PCCA: variants seen among roughly 807,000 people sequenced by gnomAD.
PCCA encodes propionyl-CoA carboxylase alpha chain, mitochondrial.
Under a neutral mutation model 101.3 loss-of-function variants are expected in PCCA, and 74 were observed. The observed-to-expected ratio is 0.73, with a 90% CI of 0.61 to 0.89. The LOEUF (loss-of-function observed/expected upper bound fraction) is 0.89, where lower values mean the gene tolerates loss of function less well. PCCA is among the 40% of genes least tolerant of loss of function. The pLI is 0.00. For synonymous variants in PCCA, 294 were observed against 313.6 expected, an observed-to-expected ratio of 0.94 and a Z score of 0.66; for missense variants, 891 against 907.0, an observed-to-expected ratio of 0.98 and a Z score of 0.23.
At chr13:100,420,810 A>C (rs1238620529) in intron 19 of PCCA, among the ~76,000 whole-genome samples, 2 of 152,176 alleles carry the variant, frequency 1.3e-5, no homozygotes, top group African/African-American at 4.8e-5. Context: ...ATGCAGTTTA[A>C]AAAAAACAGC....
At chr13:100,217,090 CA>C (rs2152491391) in intron 7 of PCCA, among the ~76,000 whole-genome samples, 1 of 151,494 alleles carries the variant, frequency 6.6e-6, no homozygotes, top group East Asian at 2.0e-4. Flanking sequence ...GCCTGGGCAA[CA>C]AGAGCGGAAC....
At position 100,111,876 on chromosome 13, in the gene PCCA, A is replaced by G; in HGVS notation, c.219A>G (p.Glu73=). 1 of 1,610,518 alleles carries G rather than the reference A, an allele frequency of 6.2e-7. No individual in the cohort carries two copies. Among genetic ancestry groups the G allele is most frequent in the Non-Finnish European group, 8.5e-7 (1 of 1,177,362 alleles). Residue 73 remains glutamate, a synonymous_variant, in exon 3 of 24, where the codon GAA becomes GAG. Coordinates refer to ENST00000376285, the MANE Select transcript of PCCA (RefSeq NM_000282.4). ...AAATTCTTGTTGCTAATAGAGGAGA[A>G]ATTGCATGTCGGGTGAGTAGAATTT... ...FDKILVANRG[E]IACRVIRTCK...
At chr13:100,303,051 C>T in intron 14 of PCCA, 53 bp downstream of exon 14, 1 of 992,224 alleles carries the variant, frequency 1.0e-6, no homozygotes, top group Non-Finnish European at 1.6e-6. Flanking sequence ...TGATTTATGT[C>T]ATACTTTTAT....
intron 7 of PCCA, among the ~76,000 whole-genome samples, chr13:100,216,937 C>T (rs1415027226): frequency 4.6e-5 from 7 of 151,004 alleles, no homozygotes; most frequent in Admixed American, 6.6e-5. Context: ...GGCGAAACCC[C>T]GTCTCTACTG....
chr13:100,447,682 AAAAG>A (rs968687201), intron 20 of PCCA, among the ~76,000 whole-genome samples: 13 of 152,268 alleles, frequency 8.5e-5, no homozygotes, highest in South Asian at 8.3e-4. Context: ...CAAAAAAAAA[AAAAG>A]AAAGAAGTGA....
chr13:100,122,091 T>C (rs1306238835), intron 4 of PCCA, among the ~76,000 whole-genome samples: 1 of 152,228 alleles, frequency 6.6e-6, no homozygotes, highest in Admixed American at 6.5e-5. Context: ...AAATGCTTTT[T>C]CTGTGTTTAC....
intron 19 of PCCA, among the ~76,000 whole-genome samples, chr13:100,385,827 G>T (rs1019010533): frequency 1.3e-5 from 2 of 152,120 alleles, no homozygotes; most frequent in African/African-American, 4.8e-5. Flanking sequence ...GCCCAGGCTG[G>T]TCTCGAACTC....
At chr13:100,368,933 C>T (rs2075390879) in intron 19 of PCCA, among the ~76,000 whole-genome samples, 1 of 152,102 alleles carries the variant, frequency 6.6e-6, no homozygotes, top group Non-Finnish European at 1.5e-5. Flanking sequence ...TAATCTGAAG[C>T]CTCACATAAC....
At position 100,449,271 on chromosome 13, in the gene PCCA, G is replaced by C; in HGVS notation, c.1865G>C (p.Gly622Ala). The change falls in exon 21 of 24, where the codon GGT becomes GCT. Residue 622 changes from glycine (G) to alanine (A), a missense_variant. Gly to Ala is a moderately conservative substitution (Grantham distance 60). Coordinates refer to ENST00000376285, the MANE Select transcript of PCCA (RefSeq NM_000282.4). Reference sequence around the variant, plus strand: ...TTTTAGTGTCTTTCTCGAGAAGCAGGTGGAAACATGAGCATTCAGTTTCTT... The same window carrying C: ...TTTTAGTGTCTTTCTCGAGAAGCAGCTGGAAACATGAGCATTCAGTTTCTT... ...RTVQCLSREA[G>A]GNMSIQFLGT... 6.5e-7 allele frequency: 1 copy of C among 1,541,512 alleles called. No homozygotes were observed. Among genetic ancestry groups the C allele is most frequent in the Non-Finnish European group, 8.8e-7 (1 of 1,138,040 alleles).
chr13:100,433,871 A>G (rs866417330), intron 20 of PCCA, among the ~76,000 whole-genome samples: 15 of 152,250 alleles, frequency 9.9e-5, no homozygotes, highest in Admixed American at 4.6e-4. Context: ...TAACTGATTT[A>G]TTTAATCAAA....
rs1046566435 is a variant in PCCA at position 100,156,414 on chromosome 13, A to G, written c.415-873A>G. Among the ~76,000 whole-genome samples, 17 of 152,220 alleles carry G rather than the reference A, an allele frequency of 1.1e-4. No homozygotes were observed. In the South Asian group the frequency reaches 2.5e-3, roughly 22 times the overall value. ...GCTGATACGTAGCTATTTCTGGATT[A>G]TGATACTGGTTCCTTTAGAAATTTG... On this transcript the variant is annotated intron_variant, in intron 5 of 23. Transcript: ENST00000376285.
chr13:100,302,217 C>A (rs2066119096), intron 13 of PCCA, among the ~76,000 whole-genome samples: 1 of 151,966 alleles, frequency 6.6e-6, no homozygotes. Context: ...AACAAGAATG[C>A]AAGGTAACAT....
At chr13:100,495,344 A>G (rs2085200328) in intron 21 of PCCA, among the ~76,000 whole-genome samples, 3 of 152,128 alleles carry the variant, frequency 2.0e-5, no homozygotes, top group South Asian at 2.1e-4. Flanking sequence ...TCTGGTCATC[A>G]TGGAAAATGC....
At chr13:100,442,286 G>T (rs1462406078) in intron 20 of PCCA, among the ~76,000 whole-genome samples, 1 of 152,088 alleles carries the variant, frequency 6.6e-6, no homozygotes, top group Non-Finnish European at 1.5e-5. Flanking sequence ...GAGCCACCAC[G>T]CCTGGCCTGT....
intron 21 of PCCA, chr13:100,490,659 A>G (rs1053798423): frequency 5.3e-5 from 8 of 152,182 alleles, no homozygotes; most frequent in African/African-American, 1.9e-4. Context: ...AGCCATCACC[A>G]CGTTCCAGTT....
intron 21 of PCCA, among the ~76,000 whole-genome samples, chr13:100,451,234 C>G (rs558366562): frequency 6.6e-6 from 1 of 152,088 alleles, no homozygotes; most frequent in Non-Finnish European, 1.5e-5. Context: ...AAAATATCTT[C>G]GATGATACAT....
intron 4 of PCCA, among the ~76,000 whole-genome samples, chr13:100,113,868 C>G (rs934792562): frequency 6.6e-6 from 1 of 152,156 alleles, no homozygotes; most frequent in African/African-American, 2.4e-5. Flanking sequence ...CGTGAGCCAC[C>G]ACGCCCGGTT....
chr13:100,440,571 C>G (rs969908510), intron 20 of PCCA, among the ~76,000 whole-genome samples: 1 of 151,528 alleles, frequency 6.6e-6, no homozygotes, highest in African/African-American at 2.4e-5. Context: ...AAAAATAAAG[C>G]GGCATACATT....
At position 100,260,208 on chromosome 13, in the gene PCCA, TC is replaced by T. The variant is rs1423418192; in HGVS notation, c.717-2520del. Among the ~76,000 whole-genome samples, 3 of 152,260 alleles carry T rather than the reference TC, an allele frequency of 2.0e-5. No homozygotes were observed. The East Asian group carries it at 5.8e-4, about 29-fold the overall frequency. On this transcript the variant is annotated intron_variant, in intron 9 of 23. Transcript: ENST00000376285. ...TGCAGCCTCCTAAGATTCCCCTAAA[TC>T]AACAATGTAATGGAGGACTTTATTC...
Sources: allele counts gnomAD v4.1 joint callset (sites outside exome capture counted in the v4.1 genomes callset), GRCh38; gene constraint gnomAD v4.1.1; transcripts MANE v1.5; gene names NCBI Gene and HGNC (gene_info 2026-07-23, HGNC 2026-07-21).